TYR: variants seen among roughly 807,000 people sequenced by gnomAD.
TYR encodes the protein LB24-AB.
A neutral mutation model predicts 51.5 loss-of-function variants in TYR; 58 were observed. The observed-to-expected ratio is 1.13, with a 90% CI of 0.91 to 1.40. TYR has a LOEUF of 1.40. Among genes scored for constraint, TYR ranks in the 40% most tolerant of loss-of-function variants. TYR has a pLI of 0.00. For missense variants in TYR, 732 were observed against 647.4 expected, an observed-to-expected ratio of 1.13 and a Z score of -1.42; for synonymous variants, 263 against 235.2, an observed-to-expected ratio of 1.12 and a Z score of -1.08.
chr11:89,181,591 G>A (rs554991815), intron 1 of TYR, among the ~76,000 whole-genome samples: 1 of 152,080 alleles, frequency 6.6e-6, no homozygotes, highest in African/African-American at 2.4e-5. Context: ...TTCACATAAA[G>A]CCTTCTTTTT....
intron 3 of TYR, among the ~76,000 whole-genome samples, chr11:89,267,575 T>C (rs1298177126): frequency 6.6e-6 from 1 of 151,954 alleles, no homozygotes; most frequent in African/African-American, 2.4e-5. Context: ...CATAATATAT[T>C]CTCCTCATTC....
intron 1 of TYR, among the ~76,000 whole-genome samples, chr11:89,189,722 T>C (rs936197871): frequency 7.9e-5 from 12 of 152,100 alleles, no homozygotes; most frequent in Admixed American, 5.2e-4. Context: ...CTATGTGAGG[T>C]AGTTGTTATT....
At chr11:89,223,223 A>T (rs534137656) in intron 2 of TYR, among the ~76,000 whole-genome samples, 2 of 152,334 alleles carry the variant, frequency 1.3e-5, no homozygotes, top group East Asian at 3.9e-4. Context: ...TATTCATATC[A>T]CAAGTAGCCC....
intron 3 of TYR, among the ~76,000 whole-genome samples, chr11:89,278,263 T>C (rs1488231393): frequency 6.6e-6 from 1 of 151,678 alleles, no homozygotes; most frequent in Non-Finnish European, 1.5e-5. Flanking sequence ...TTAAATCCTG[T>C]TACCATGTTA....
chr11:89,250,745 G>T (rs1944321346), intron 3 of TYR, among the ~76,000 whole-genome samples: 1 of 151,738 alleles, frequency 6.6e-6, no homozygotes, highest in Admixed American at 6.6e-5. Flanking sequence ...TATTGCATTA[G>T]GGTTCACCCT....
At chr11:89,216,729 C>A (rs2135273511) in intron 2 of TYR, among the ~76,000 whole-genome samples, 1 of 146,008 alleles carries the variant, frequency 6.8e-6, no homozygotes, top group Admixed American at 6.9e-5. Context: ...TCTTATGAAA[C>A]AATATGAAGT....
intron 1 of TYR, among the ~76,000 whole-genome samples, chr11:89,181,370 A>G (rs2135244783): frequency 6.6e-6 from 1 of 152,342 alleles, no homozygotes; most frequent in South Asian, 2.1e-4. Context: ...TGCAGCCAGC[A>G]CTGAGAATCA....
At chr11:89,251,221 T>C (rs1392913391) in intron 3 of TYR, among the ~76,000 whole-genome samples, 3 of 151,902 alleles carry the variant, frequency 2.0e-5, no homozygotes, top group African/African-American at 4.8e-5. Flanking sequence ...GAACAATAAC[T>C]AATGTATAAA....
chr11:89,293,336 TACAC>T (rs59899373), intron 4 of TYR, among the ~76,000 whole-genome samples: 16,531 of 147,556 alleles, frequency 0.11, 1,456 homozygotes, highest in African/African-American at 0.25. Context: ...ATTTTATGCA[TACAC>T]ACACACACAC....
intron 3 of TYR, among the ~76,000 whole-genome samples, chr11:89,262,048 C>A (rs762103966): frequency 2.0e-5 from 3 of 151,982 alleles, no homozygotes; most frequent in African/African-American, 2.4e-5. Context: ...GCAAAAGTGG[C>A]AATGACAGAG....
intron 3 of TYR, among the ~76,000 whole-genome samples, chr11:89,274,516 A>C (rs1350657869): frequency 6.6e-6 from 1 of 151,888 alleles, no homozygotes; most frequent in Non-Finnish European, 1.5e-5. Context: ...ACCTCACTGC[A>C]TGTTAAGTAC....
At chr11:89,288,940 A>G (rs572797223) in intron 4 of TYR, among the ~76,000 whole-genome samples, 9 of 152,126 alleles carry the variant, frequency 5.9e-5, no homozygotes, top group African/African-American at 2.2e-4. Context: ...TTATTCATCA[A>G]CCAGGTACTC....
intron 1 of TYR, among the ~76,000 whole-genome samples, chr11:89,180,642 G>A (rs947526512): frequency 1.2e-4 from 18 of 151,996 alleles, no homozygotes; most frequent in African/African-American, 4.3e-4. Context: ...TTAAATTGCT[G>A]TGTAGAAACA....
chr11:89,207,216 C>A (rs544164345), intron 2 of TYR, among the ~76,000 whole-genome samples: 1 of 151,660 alleles, frequency 6.6e-6, no homozygotes, highest in Non-Finnish European at 1.5e-5. Flanking sequence ...ATAAAATTGA[C>A]GAATTAGCAA....
At chr11:89,281,219 G>C (rs1239289764) in intron 3 of TYR, among the ~76,000 whole-genome samples, 1 of 151,556 alleles carries the variant, frequency 6.6e-6, no homozygotes, top group African/African-American at 2.4e-5. Context: ...CTTCCCCTTA[G>C]GTGAGACAGG....
intron 1 of TYR, among the ~76,000 whole-genome samples, chr11:89,183,040 C>T (rs982836386): frequency 6.6e-6 from 1 of 152,174 alleles, no homozygotes; most frequent in East Asian, 1.9e-4. Context: ...ATAACAGCTT[C>T]TCTTTTTTCT....
At chr11:89,280,438 T>A (rs1944707969) in intron 3 of TYR, among the ~76,000 whole-genome samples, 1 of 151,666 alleles carries the variant, frequency 6.6e-6, no homozygotes, top group African/African-American at 2.4e-5. Context: ...TAGTGATATA[T>A]ACAACACTGT....
intron 2 of TYR, among the ~76,000 whole-genome samples, chr11:89,194,720 C>A (rs1416654258): frequency 6.6e-6 from 1 of 151,870 alleles, no homozygotes; most frequent in African/African-American, 2.4e-5. Flanking sequence ...TAAAGGCTTT[C>A]CATTGTTTGA....
At chr11:89,278,181 C>T (rs926660299) in intron 3 of TYR, among the ~76,000 whole-genome samples, 18 of 151,708 alleles carry the variant, frequency 1.2e-4, no homozygotes, top group Admixed American at 8.6e-4. Flanking sequence ...TCTAAACAGT[C>T]ATTCTTCAAC....
Sources: allele counts gnomAD v4.1 joint callset (sites outside exome capture counted in the v4.1 genomes callset), GRCh38; gene constraint gnomAD v4.1.1; transcripts MANE v1.5; gene names NCBI Gene and HGNC (gene_info 2026-07-23, HGNC 2026-07-21).